The following ATRNL1 variants were observed in gnomAD, a reference collection of about 807,000 sequenced individuals.
ATRNL1 encodes attractin like 1, also known as attractin-like protein 1.
In ATRNL1, 95 loss-of-function variants were observed where a neutral mutation model predicts 182.7. The observed-to-expected ratio is 0.52, with a 90% CI of 0.44 to 0.62. The LOEUF (loss-of-function observed/expected upper bound fraction) is 0.62, where lower values mean the gene tolerates loss of function less well. ATRNL1 is among the 20% of genes least tolerant of loss of function. The probability of loss-of-function intolerance (pLI) is 0.00; values close to 1 mark genes in which losing one functional copy is unlikely to be tolerated. For synonymous variants in ATRNL1, 576 were observed against 568.3 expected (o/e 1.01, Z -0.19); for missense variants, 1,471 against 1,679.5 (o/e 0.88, Z 2.17).
intron 25 of ATRNL1, among the ~76,000 whole-genome samples, chr10:115,528,057 CCTTCCTTCCTTCCTTT>C (rs1426001550): frequency 2.7e-4 from 25 of 90,986 alleles, no homozygotes; most frequent in Admixed American, 6.7e-4. Context: ...TTCCTTCCTT[CCTTCCTTCCTTCCTTT>C]CCCTTCTCAT....
chr10:115,701,652 C>T (rs1034406259), intron 26 of ATRNL1, among the ~76,000 whole-genome samples: 2 of 151,900 alleles, frequency 1.3e-5, no homozygotes, highest in African/African-American at 4.8e-5. Flanking sequence ...AAAAGTTCTT[C>T]AGAGAATATT....
Position 115,582,572 on chromosome 10 carries a change from G to A in ATRNL1, c.3795+33036G>A, listed in dbSNP as rs1221273979. Among the ~76,000 whole-genome samples the A allele has an allele frequency of 1.1e-4, 14 of 125,164 alleles. 1 individual carries two copies. The highest frequency in any genetic ancestry group is 1.6e-4 in the Non-Finnish European group (9 of 56,978). 82.1% of individuals were successfully genotyped at this position (125,164 alleles called of 152,430 possible). A position where few individuals can be genotyped will look rare whatever the true frequency, so the allele number is the denominator to read the frequency against. ...TGAGAAGTGTCTCTTCATGTCCTTC[G>A]CCCACTTTTTGATGGGTTTGTTTGT... On this transcript the variant is annotated intron_variant, in intron 26 of 28. Coordinates refer to ENST00000355044, the MANE Select transcript of ATRNL1 (RefSeq NM_207303.4).
chr10:115,617,437 G>A (rs1857498674), intron 26 of ATRNL1, among the ~76,000 whole-genome samples: 1 of 151,930 alleles, frequency 6.6e-6, no homozygotes, highest in Non-Finnish European at 1.5e-5. Context: ...GCGGCTCACT[G>A]CAACATCCGC....
At chr10:115,471,740 T>A (rs782299873) in intron 24 of ATRNL1, among the ~76,000 whole-genome samples, 1 of 151,130 alleles carries the variant, frequency 6.6e-6, no homozygotes, top group Non-Finnish European at 1.5e-5. Flanking sequence ...ATATTTTGGA[T>A]ATTAACTTCT....
At chr10:115,631,393 T>C (rs73377514) in intron 26 of ATRNL1, among the ~76,000 whole-genome samples, 1 of 151,984 alleles carries the variant, frequency 6.6e-6, no homozygotes, top group Non-Finnish European at 1.5e-5. Flanking sequence ...CAAATGGTAG[T>C]TAAAAAGAGC....
intron 25 of ATRNL1, among the ~76,000 whole-genome samples, chr10:115,526,857 G>A (rs1030359630): frequency 6.6e-6 from 1 of 152,144 alleles, no homozygotes; most frequent in Non-Finnish European, 1.5e-5. Context: ...GGGAAGGTGA[G>A]TGAAAGAGCC....
At chr10:115,655,442 C>T (rs72824799) in intron 26 of ATRNL1, among the ~76,000 whole-genome samples, 7 of 152,026 alleles carry the variant, frequency 4.6e-5, no homozygotes, top group Middle Eastern at 3.4e-3. Context: ...CTTCATAGAT[C>T]GACATGAACA....
intron 24 of ATRNL1, among the ~76,000 whole-genome samples, chr10:115,479,278 A>G (rs1431635701): frequency 3.3e-5 from 5 of 151,618 alleles, no homozygotes; most frequent in African/African-American, 1.2e-4. Context: ...CCATAGTCTT[A>G]TATCTATGAA....
chr10:115,652,009 T>C (rs1350914569), intron 26 of ATRNL1, among the ~76,000 whole-genome samples: 1 of 152,144 alleles, frequency 6.6e-6, no homozygotes, highest in African/African-American at 2.4e-5. Flanking sequence ...AAATAGATTA[T>C]AAGATTTCTT....
intron 28 of ATRNL1, among the ~76,000 whole-genome samples, chr10:115,874,948 G>A (rs781797957): frequency 2.6e-5 from 4 of 152,120 alleles, no homozygotes; most frequent in Non-Finnish European, 5.9e-5. Context: ...TACTTTTCTG[G>A]AGTATACAAA....
intron 9 of ATRNL1, among the ~76,000 whole-genome samples, chr10:115,218,001 C>A (rs1266208863): frequency 6.6e-6 from 1 of 151,938 alleles, no homozygotes; most frequent in African/African-American, 2.4e-5. Flanking sequence ...TTTGTGGAGA[C>A]AGTTTTTCCA....
chr10:115,371,064 C>G (rs1554947916), intron 19 of ATRNL1, among the ~76,000 whole-genome samples: 1 of 152,204 alleles, frequency 6.6e-6, no homozygotes, highest in Non-Finnish European at 1.5e-5. Flanking sequence ...TGGCAACTTT[C>G]ATGTGGTATT....
intron 1 of ATRNL1, among the ~76,000 whole-genome samples, chr10:115,110,143 A>G (rs1421194796): frequency 2.0e-5 from 3 of 152,210 alleles, no homozygotes; most frequent in Non-Finnish European, 4.4e-5. Flanking sequence ...AAAAATATAG[A>G]AATAAACTGA....
rs533806650 is a variant in ATRNL1 at position 115,270,846 on chromosome 10, A to G, written c.2100+2402A>G. 4.6e-5 allele frequency among the ~76,000 whole-genome samples: 7 copies of G among 152,276 alleles called. 1 individual carries two copies. The highest frequency in any genetic ancestry group is 1.7e-4 in the African/African-American group (7 of 41,554). On this transcript the variant is annotated intron_variant, in intron 13 of 28. Transcript: ENST00000355044. ...CCCCATGTCTTGGAAAAGTTGACAC[A>G]TAAAATTAACCATTACAAGTCTACC...
intron 10 of ATRNL1, among the ~76,000 whole-genome samples, chr10:115,252,049 C>T (rs551268389): frequency 2.6e-5 from 4 of 152,228 alleles, no homozygotes; most frequent in African/African-American, 9.6e-5. Context: ...TGTTTTGAGA[C>T]AGAGCCTTGC....
At chr10:115,694,741 G>A (rs557608408) in intron 26 of ATRNL1, among the ~76,000 whole-genome samples, 1 of 152,050 alleles carries the variant, frequency 6.6e-6, no homozygotes, top group South Asian at 2.1e-4. Flanking sequence ...GCTTCATTTG[G>A]GAAAGCATTT....
chr10:115,711,976 T>G (rs74236835), intron 26 of ATRNL1, among the ~76,000 whole-genome samples: 2,386 of 152,270 alleles, frequency 0.016, 63 homozygotes, highest in East Asian at 0.14. Flanking sequence ...ATAAGTAAAG[T>G]CTAAAATTAT....
intron 1 of ATRNL1, among the ~76,000 whole-genome samples, chr10:115,105,715 G>C (rs1306107534): frequency 6.6e-6 from 1 of 152,234 alleles, no homozygotes; most frequent in Non-Finnish European, 1.5e-5. Context: ...TGGCTTCAGA[G>C]GGTGCAAGCT....
At chr10:115,433,892 A>G (rs782342477) in intron 21 of ATRNL1, among the ~76,000 whole-genome samples, 1 of 152,204 alleles carries the variant, frequency 6.6e-6, no homozygotes, top group East Asian at 1.9e-4. Flanking sequence ...AAAAATGTCC[A>G]TAAACCTTCC....
Sources: gnomAD v4.1 joint callset for allele counts (sites outside exome capture counted in the v4.1 genomes callset) on GRCh38, gnomAD v4.1.1 for gene constraint, MANE v1.5 for transcripts, NCBI Gene and HGNC (gene_info 2026-07-23, HGNC 2026-07-21) for gene names.